ADAMTS3: variants seen among roughly 807,000 people sequenced by gnomAD.
ADAMTS3 encodes ADAM metallopeptidase with thrombospondin type 1 motif 3, also known as A disintegrin and metalloproteinase with thrombospondin motifs 3.
Under a neutral mutation model 129.0 loss-of-function variants are expected in ADAMTS3, and 73 were observed. The observed-to-expected ratio is 0.57, with a 90% CI of 0.47 to 0.69. ADAMTS3 has a LOEUF of 0.69. Ranked by LOEUF, ADAMTS3 falls within the 30% of genes least tolerant of loss-of-function variation. ADAMTS3 has a pLI of 0.00. For synonymous variants in ADAMTS3, 477 were observed against 510.8 expected (o/e 0.93, Z 0.89); for missense variants, 1,457 against 1,514.5 (o/e 0.96, Z 0.63).
At chr4:72,509,634 A>C (rs1045694617) in intron 3 of ADAMTS3, among the ~76,000 whole-genome samples, 18 of 152,106 alleles carry the variant, frequency 1.2e-4, no homozygotes, top group Admixed American at 1.1e-3. Flanking sequence ...AAACTCTCCC[A>C]GTAAAGAAAA....
At chr4:72,465,653 T>C (rs1266343015) in intron 3 of ADAMTS3, among the ~76,000 whole-genome samples, 1 of 151,636 alleles carries the variant, frequency 6.6e-6, no homozygotes, top group Non-Finnish European at 1.5e-5. Context: ...AGGACAGGGG[T>C]TTTAGGGGCA....
intron 21 of ADAMTS3, among the ~76,000 whole-genome samples, chr4:72,285,386 G>A (rs736862): frequency 6.6e-6 from 1 of 151,838 alleles, no homozygotes; most frequent in African/African-American, 2.4e-5. Flanking sequence ...AATTTTTTTT[G>A]AAAACCTGTA....
intron 3 of ADAMTS3, among the ~76,000 whole-genome samples, chr4:72,523,436 T>C (rs1159975781): frequency 1.3e-5 from 2 of 152,014 alleles, no homozygotes; most frequent in Non-Finnish European, 2.9e-5. Flanking sequence ...GAAAACAACT[T>C]AAACCAAACA....
intron 2 of ADAMTS3, among the ~76,000 whole-genome samples, chr4:72,560,938 C>T (rs1029002131): frequency 9.9e-5 from 15 of 151,978 alleles, no homozygotes; most frequent in South Asian, 4.1e-4. Flanking sequence ...AGCTAGAAAG[C>T]GGTGGAGTTA....
At chr4:72,306,219 T>A in intron 15 of ADAMTS3, 152 bp from the exon 16 acceptor site, 1 of 553,118 alleles carries the variant, frequency 1.8e-6, no homozygotes, top group South Asian at 3.3e-5. Flanking sequence ...CTTCAAAGCA[T>A]TGGTAGCTTT....
chr4:72,439,449 C>A (rs1474174486), intron 3 of ADAMTS3, among the ~76,000 whole-genome samples: 1 of 151,548 alleles, frequency 6.6e-6, no homozygotes, highest in Non-Finnish European at 1.5e-5. Flanking sequence ...AGGCCTTAGT[C>A]AAATAATAGT....
intron 4 of ADAMTS3, among the ~76,000 whole-genome samples, chr4:72,361,322 A>G (rs1005515079): frequency 2.0e-5 from 3 of 152,162 alleles, no homozygotes; most frequent in Admixed American, 2.0e-4. Context: ...TTATTTTTAT[A>G]TAACAGGTAA....
intron 4 of ADAMTS3, among the ~76,000 whole-genome samples, chr4:72,393,374 A>G (rs1721648588): frequency 6.6e-6 from 1 of 152,182 alleles, no homozygotes; most frequent in Admixed American, 6.5e-5. Context: ...AATGCCCACT[A>G]CTTCTCTCAG....
intron 3 of ADAMTS3, among the ~76,000 whole-genome samples, chr4:72,483,229 G>C (rs1464939771): frequency 1.3e-5 from 2 of 152,120 alleles, no homozygotes; most frequent in African/African-American, 4.8e-5. Context: ...AAATATGACA[G>C]TTTATGTAGA....
intron 4 of ADAMTS3, among the ~76,000 whole-genome samples, chr4:72,350,155 A>C (rs1055073454): frequency 3.4e-4 from 51 of 152,072 alleles, no homozygotes; most frequent in African/African-American, 1.2e-3. Flanking sequence ...ATTTCTGCTA[A>C]AGACACTTAT....
At chr4:72,349,118 A>G (rs1184492392) in intron 4 of ADAMTS3, among the ~76,000 whole-genome samples, 1 of 152,084 alleles carries the variant, frequency 6.6e-6, no homozygotes, top group Non-Finnish European at 1.5e-5. Context: ...TTCTAGTTCC[A>G]GCTCTACTAT....
intron 19 of ADAMTS3, among the ~76,000 whole-genome samples, chr4:72,292,662 T>C (rs1196861019): frequency 6.6e-6 from 1 of 152,244 alleles, no homozygotes; most frequent in African/African-American, 2.4e-5. Context: ...GTGGTCACCA[T>C]TGACTCCATC....
At chr4:72,326,833 A>C (rs1394010639) in intron 5 of ADAMTS3, among the ~76,000 whole-genome samples, 1 of 152,174 alleles carries the variant, frequency 6.6e-6, no homozygotes, top group Non-Finnish European at 1.5e-5. Context: ...ATCTCAATGA[A>C]ACATCTAGTT....
At chr4:72,436,451 T>C (rs1717929077) in intron 3 of ADAMTS3, among the ~76,000 whole-genome samples, 1 of 152,274 alleles carries the variant, frequency 6.6e-6, no homozygotes, top group Admixed American at 6.5e-5. Context: ...AGTGTGGCGA[T>C]TCCTCAAGGA....
intron 2 of ADAMTS3, among the ~76,000 whole-genome samples, chr4:72,555,917 C>T (rs1420018600): frequency 6.6e-6 from 1 of 151,648 alleles, no homozygotes; most frequent in African/African-American, 2.4e-5. Context: ...CCCCTTCACC[C>T]TTCCACCATG....
intron 3 of ADAMTS3, among the ~76,000 whole-genome samples, chr4:72,427,549 C>T (rs1292203747): frequency 1.3e-5 from 2 of 151,840 alleles, no homozygotes; most frequent in Admixed American, 1.3e-4. Context: ...GCTGTAACAC[C>T]TTGGCCAAGA....
chr4:72,339,844 A>G (rs1421168092), intron 4 of ADAMTS3, 151 bp from the exon 5 acceptor site: 1 of 647,430 alleles, frequency 1.5e-6, no homozygotes. Context: ...AATAATACGC[A>G]TATGCATACG....
At chr4:72,347,901 T>C (rs1334035349) in intron 4 of ADAMTS3, among the ~76,000 whole-genome samples, 1 of 151,976 alleles carries the variant, frequency 6.6e-6, no homozygotes, top group African/African-American at 2.4e-5. Context: ...AAAGCTCATG[T>C]TACTTCCCTC....
At chr4:72,410,884 C>T (rs1299063100) in intron 4 of ADAMTS3, among the ~76,000 whole-genome samples, 1 of 152,066 alleles carries the variant, frequency 6.6e-6, no homozygotes, top group Non-Finnish European at 1.5e-5. Context: ...AGACAAATTT[C>T]TTTGTCATAA....
Sources: gnomAD v4.1 joint callset for allele counts (sites outside exome capture counted in the v4.1 genomes callset) on GRCh38, gnomAD v4.1.1 for gene constraint, MANE v1.5 for transcripts, NCBI Gene and HGNC (gene_info 2026-07-23, HGNC 2026-07-21) for gene names.